Variants in FRMD4A observed in about 807,000 individuals in gnomAD.
The protein encoded by FRMD4A is FERM domain-containing protein 4A.
In FRMD4A, 29 loss-of-function variants were observed where a neutral mutation model predicts 129.1. The observed-to-expected ratio is 0.22, with a 90% CI of 0.17 to 0.31. The LOEUF (loss-of-function observed/expected upper bound fraction) is 0.31. FRMD4A is among the 10% of genes least tolerant of loss of function. The pLI is 1.00. For synonymous variants in FRMD4A, 634 were observed against 571.6 expected (o/e 1.11, Z -1.56); for missense variants, 1,272 against 1,375.8 (o/e 0.92, Z 1.19).
chr10:13,934,742 G>C (rs7093834), intron 2 of FRMD4A, among the ~76,000 whole-genome samples: 1 of 152,046 alleles, frequency 6.6e-6, no homozygotes, highest in African/African-American at 2.4e-5. Context: ...AGATAAACTA[G>C]AAATGGAACA....
intron 15 of FRMD4A, among the ~76,000 whole-genome samples, chr10:13,678,915 A>C (rs957791365): frequency 4.6e-5 from 7 of 152,214 alleles, no homozygotes; most frequent in South Asian, 4.2e-4. Context: ...GGAAATACTC[A>C]ATATCCTCCC....
At chr10:14,129,371 CATATATATATATATATATAT>C (rs3033977) in intron 2 of FRMD4A, among the ~76,000 whole-genome samples, 59 of 46,218 alleles carry the variant, frequency 1.3e-3, no homozygotes, top group African/African-American at 4.3e-3. Context: ...AATTATGATT[CATATATATATATATATATAT>C]ATATATATAT....
intron 12 of FRMD4A, among the ~76,000 whole-genome samples, chr10:13,714,027 C>CATATATATAAAATATATATAATATATA (rs1554858885): frequency 2.6e-4 from 8 of 31,168 alleles, no homozygotes; most frequent in African/African-American, 1.2e-3. Context: ...ATAAAATATA[C>CATATATATAAAATATATATAATATATA]ATATATATAT....
chr10:13,932,942 C>T (rs1426196939), intron 2 of FRMD4A, among the ~76,000 whole-genome samples: 1 of 152,104 alleles, frequency 6.6e-6, no homozygotes, highest in African/African-American at 2.4e-5. Flanking sequence ...GGGTGGATCA[C>T]CTGAGCTGAG....
intron 3 of FRMD4A, among the ~76,000 whole-genome samples, chr10:13,824,209 G>A (rs2093667706): frequency 6.6e-6 from 1 of 151,386 alleles, no homozygotes; most frequent in African/African-American, 2.4e-5. Flanking sequence ...TGGGTGCGGT[G>A]TCTCCCGCCT....
chr10:14,034,017 G>A (rs373012037), intron 2 of FRMD4A, among the ~76,000 whole-genome samples: 3 of 152,054 alleles, frequency 2.0e-5, no homozygotes, highest in African/African-American at 4.8e-5. Context: ...ATCAAATATC[G>A]CATGTTCTCA....
intron 2 of FRMD4A, among the ~76,000 whole-genome samples, chr10:14,072,066 A>G (rs1320703445): frequency 6.6e-6 from 1 of 152,238 alleles, no homozygotes; most frequent in African/African-American, 2.4e-5. Context: ...TATGTTAACA[A>G]CTTCCTTCTT....
chr10:13,669,506 C>T (rs1370491232), intron 17 of FRMD4A, among the ~76,000 whole-genome samples: 1 of 152,210 alleles, frequency 6.6e-6, no homozygotes, highest in Non-Finnish European at 1.5e-5. Context: ...TCACCCTCAC[C>T]CTAATCCTAC....
Position 14,205,053 on chromosome 10 carries a change from TTTTC to T in FRMD4A, c.45+125001_45+125004del, listed in dbSNP as rs199588347. ...GTTCTGCCTGATCATCTTTTTTTTCTTTTCTTTCTTTTTTTTTTTTTTTGCTATA... is the reference window on the plus strand; with the variant it reads ...GTTCTGCCTGATCATCTTTTTTTTCTTTTCTTTTTTTTTTTTTTTGCTATA... On this transcript the variant is annotated intron_variant, in intron 2 of 24. Transcript: ENST00000357447. 4.7e-3 allele frequency among the ~76,000 whole-genome samples: 104 copies of T among 22,280 alleles called. 1 individual carries two copies. The highest frequency in any genetic ancestry group is 0.043 in the South Asian group (10 of 234). 14.6% of individuals were successfully genotyped at this position (22,280 alleles called of 152,430 possible). A position where few individuals can be genotyped will look rare whatever the true frequency, so the allele number is the denominator to read the frequency against.
Position 13,785,628 on chromosome 10 carries a change from A to AT in FRMD4A, c.300-2623dup, listed in dbSNP as rs1294244626. On this transcript the variant is annotated intron_variant, in intron 5 of 24. Coordinates refer to ENST00000357447, the MANE Select transcript of FRMD4A (RefSeq NM_018027.5). ...TATAATTTCTTTTTATTTTGTTATTATTTTTTATTACACTTTAAGTTCTAG... is the reference window on the plus strand; with the variant it reads ...TATAATTTCTTTTTATTTTGTTATTATTTTTTTATTACACTTTAAGTTCTAG... Among the ~76,000 whole-genome samples the AT allele has an allele frequency of 1.3e-4, 20 of 151,900 alleles. No individual in the cohort carries two copies. The South Asian group carries it at 3.7e-3, about 28-fold the overall frequency.
At chr10:13,788,461 C>G (rs2092919802) in intron 5 of FRMD4A, among the ~76,000 whole-genome samples, 1 of 152,254 alleles carries the variant, frequency 6.6e-6, no homozygotes, top group African/African-American at 2.4e-5. Flanking sequence ...CCCTGCGTGG[C>G]ATGGTGTGGC....
chr10:13,856,109 T>C (rs1389603217), intron 3 of FRMD4A, among the ~76,000 whole-genome samples: 1 of 152,012 alleles, frequency 6.6e-6, no homozygotes, highest in African/African-American at 2.4e-5. Context: ...ATAGTGCGTG[T>C]ATCTATCTAT....
intron 14 of FRMD4A, among the ~76,000 whole-genome samples, chr10:13,700,460 G>A (rs369165109): frequency 6.6e-6 from 1 of 152,208 alleles, no homozygotes; most frequent in African/African-American, 2.4e-5. Context: ...GAAATCCTCC[G>A]TAAGTGCTAG....
At chr10:13,757,971 C>T (rs186825192) in intron 8 of FRMD4A, among the ~76,000 whole-genome samples, 1 of 152,092 alleles carries the variant, frequency 6.6e-6, no homozygotes, top group East Asian at 1.9e-4. Flanking sequence ...CTTGAACTCT[C>T]GACCTTAGGT....
chr10:14,057,149 G>C (rs1834573165), intron 2 of FRMD4A, among the ~76,000 whole-genome samples: 1 of 152,162 alleles, frequency 6.6e-6, no homozygotes, highest in South Asian at 2.1e-4. Context: ...TTTGCTTATG[G>C]GTCAGCGGAT....
intron 2 of FRMD4A, among the ~76,000 whole-genome samples, chr10:14,029,983 G>A: frequency 6.6e-6 from 1 of 152,186 alleles, no homozygotes; most frequent in Non-Finnish European, 1.5e-5. Flanking sequence ...ATTACGCTAA[G>A]TGAAAAATGT....
At chr10:14,313,533 A>C (rs941069184) in intron 2 of FRMD4A, among the ~76,000 whole-genome samples, 3 of 152,232 alleles carry the variant, frequency 2.0e-5, no homozygotes, top group African/African-American at 7.2e-5. Context: ...CTGAAATTAT[A>C]ATGCTTACGA....
chr10:13,725,640 G>A (rs895211104), intron 12 of FRMD4A, among the ~76,000 whole-genome samples: 1 of 152,052 alleles, frequency 6.6e-6, no homozygotes, highest in African/African-American at 2.4e-5. Flanking sequence ...TGGTGCCCTT[G>A]GGAGCTTGGC....
chr10:14,283,176 C>T (rs1845576763), intron 2 of FRMD4A, among the ~76,000 whole-genome samples: 1 of 152,230 alleles, frequency 6.6e-6, no homozygotes, highest in Middle Eastern at 3.2e-3. Context: ...AAATGTCATT[C>T]ACAAGCTTCT....
Sources: gnomAD v4.1 joint callset for allele counts (sites outside exome capture counted in the v4.1 genomes callset) on GRCh38, gnomAD v4.1.1 for gene constraint, MANE v1.5 for transcripts, NCBI Gene and HGNC (gene_info 2026-07-23, HGNC 2026-07-21) for gene names.